Variants in FAM200B observed in about 807,000 individuals in gnomAD.
FAM200B encodes protein FAM200B.
Under a neutral mutation model 33.1 loss-of-function variants are expected in FAM200B, and 32 were observed. The ratio of observed to expected loss-of-function variants is 0.97; its 90% CI spans 0.73 to 1.30. The LOEUF (loss-of-function observed/expected upper bound fraction) is 1.30, where lower values mean the gene tolerates loss of function less well. Ranked by LOEUF, FAM200B falls within the 50% of genes most tolerant of loss-of-function variation. The pLI, the probability that FAM200B is intolerant of heterozygous loss-of-function variation, is 0.00. For missense variants in FAM200B, 741 were observed against 754.0 expected (o/e 0.98, Z 0.20); for synonymous variants, 240 against 264.8 (o/e 0.91, Z 0.91).
At chr4:15,674,550 AATT>A in the FAM200B span, among the ~76,000 whole-genome samples, 7 of 152,094 alleles carry the variant, frequency 4.6e-5, no homozygotes, top group Admixed American at 1.3e-4. Context: ...TTCCTTACAA[AATT>A]ATTACTCATG....
At position 15,687,108 on chromosome 4, in the gene FAM200B, AAACTTC is replaced by A; in HGVS notation, c.139_144del (p.Thr47_Ser48del). 1.9e-6 allele frequency: 3 copies of A among 1,549,226 alleles called. No homozygotes were observed. Among genetic ancestry groups the A allele is most frequent in the Non-Finnish European group, 2.6e-6 (3 of 1,146,052 alleles). On this transcript the variant is annotated inframe_deletion, in exon 2 of 2. Transcript: ENST00000422728. ...GAGAAAAATACTGACTCCAATCTGC[AAACTTC>A]AACTTCATTTGAGCCACATTTCAAA...
the FAM200B span, among the ~76,000 whole-genome samples, chr4:15,656,652 T>A: frequency 6.6e-6 from 1 of 152,244 alleles, no homozygotes; most frequent in Admixed American, 6.5e-5. Flanking sequence ...GAAGTTAAGA[T>A]TCCTGGTTTT....
the FAM200B span, among the ~76,000 whole-genome samples, chr4:15,655,835 T>C: frequency 1.3e-5 from 2 of 152,156 alleles, no homozygotes; most frequent in Non-Finnish European, 2.9e-5. Context: ...GTGCCAGATT[T>C]TTCCTGGGGC....
rs904217909 is a variant in FAM200B at position 15,686,428 on chromosome 4, C to T, written c.-550C>T. On this transcript the variant is annotated 5_prime_UTR_variant, in exon 2 of 2. Transcript: ENST00000422728. ...ACAAGTCAACAGTCTAGCAGATCAG[C>T]CAGTCTCTTTCATCATCAAGCAGAC... 6.6e-6 allele frequency: 1 copy of T among 152,138 alleles called. No individual in the cohort carries two copies. Among genetic ancestry groups the T allele is most frequent in the Admixed American group, 6.5e-5 (1 of 15,272 alleles). 9.4% of individuals were successfully genotyped at this position (152,138 alleles called of 1,614,324 possible). A position where few individuals can be genotyped will look rare whatever the true frequency, so the allele number is the denominator to read the frequency against.
At chr4:15,664,389 A>G in the FAM200B span, among the ~76,000 whole-genome samples, 4 of 152,066 alleles carry the variant, frequency 2.6e-5, no homozygotes, top group Non-Finnish European at 5.9e-5. Context: ...TCCCTCAGTT[A>G]AATCATATTG....
chr4:15,655,884 C>A, the FAM200B span, among the ~76,000 whole-genome samples: 1 of 152,238 alleles, frequency 6.6e-6, no homozygotes, highest in African/African-American at 2.4e-5. Flanking sequence ...AAAGGCCGGG[C>A]CTGGCTCCCA....
the FAM200B span, among the ~76,000 whole-genome samples, chr4:15,669,532 C>CA: frequency 4.5e-4 from 67 of 149,060 alleles, no homozygotes; most frequent in Admixed American, 9.3e-4. Context: ...GACCTTGTCT[C>CA]AAAAAAAAAT....
chr4:15,672,708 T>C, the FAM200B span, among the ~76,000 whole-genome samples: 1 of 152,178 alleles, frequency 6.6e-6, no homozygotes, highest in Non-Finnish European at 1.5e-5. Flanking sequence ...ACTGTAGACT[T>C]TATAAACACT....
the FAM200B span, among the ~76,000 whole-genome samples, chr4:15,650,412 C>T: frequency 0.28 from 42,831 of 151,826 alleles, 6,265 homozygotes; most frequent in East Asian, 0.47. Context: ...ATTTACTTTT[C>T]GGTTTAAATT....
At chr4:15,667,986 A>G in the FAM200B span, among the ~76,000 whole-genome samples, 2 of 151,598 alleles carry the variant, frequency 1.3e-5, no homozygotes, top group Non-Finnish European at 2.9e-5. Context: ...GGTTGCGGTG[A>G]GCCAAGATTG....
chr4:15,688,122 A>G lies in FAM200B; in HGVS notation c.1145A>G (p.Tyr382Cys). 3.2e-6 allele frequency: 5 copies of G among 1,551,312 alleles called. No homozygotes were observed. Among genetic ancestry groups the G allele is most frequent in the Non-Finnish European group, 4.4e-6 (5 of 1,146,748 alleles). ...GGAACTAATCATACCCACTTACTAT[A>G]TCATACCAAAATTCGTTGGTTGTCT... Reference protein sequence around the residue: ...EIGTNHTHLLYHTKIRWLSQG... With the variant: ...EIGTNHTHLLCHTKIRWLSQG... The change falls in exon 2 of 2, where the codon TAT (tyrosine) becomes TGT (cysteine). Residue 382 changes from tyrosine (Y) to cysteine (C), a missense_variant. Coordinates refer to ENST00000422728, the MANE Select transcript of FAM200B (RefSeq NM_001145191.2).
the FAM200B span, among the ~76,000 whole-genome samples, chr4:15,650,446 A>G: frequency 6.6e-6 from 1 of 152,096 alleles, no homozygotes; most frequent in Non-Finnish European, 1.5e-5. Context: ...CGGACCCACA[A>G]AAGAGATTTA....
the FAM200B span, among the ~76,000 whole-genome samples, chr4:15,669,204 G>C: frequency 1.3e-5 from 2 of 152,110 alleles, no homozygotes; most frequent in African/African-American, 4.8e-5. Flanking sequence ...CACAAACCCA[G>C]ATACAAACTA....
the FAM200B span, chr4:15,656,349 A>G: frequency 8.2e-5 from 37 of 450,550 alleles, no homozygotes; most frequent in East Asian, 1.3e-3. Context: ...ACTGCTGGAC[A>G]GATAGAGAAA....
chr4:15,639,705 C>G, the FAM200B span, among the ~76,000 whole-genome samples: 3 of 152,276 alleles, frequency 2.0e-5, no homozygotes, highest in Non-Finnish European at 1.5e-5. Flanking sequence ...CTGTATATTA[C>G]AATGAGTTGG....
the FAM200B span, among the ~76,000 whole-genome samples, chr4:15,669,936 G>A: frequency 2.0e-5 from 3 of 152,072 alleles, no homozygotes; most frequent in Non-Finnish European, 4.4e-5. Context: ...ATCACCCTAG[G>A]TACTATATGC....
At chr4:15,659,123 T>A in the FAM200B span, among the ~76,000 whole-genome samples, 1 of 152,192 alleles carries the variant, frequency 6.6e-6, no homozygotes, top group South Asian at 2.1e-4. Context: ...AAGAATGTCA[T>A]AAATGGAAGG....
the FAM200B span, among the ~76,000 whole-genome samples, chr4:15,666,401 A>G: frequency 6.6e-6 from 1 of 152,170 alleles, no homozygotes; most frequent in Non-Finnish European, 1.5e-5. Context: ...CCCTGCCTAA[A>G]AAAATAAAAT....
chr4:15,644,075 G>A, the FAM200B span, among the ~76,000 whole-genome samples: 3 of 152,190 alleles, frequency 2.0e-5, no homozygotes, highest in African/African-American at 7.2e-5. Flanking sequence ...TTGGTTTAGT[G>A]AAAAATCTCT....
Sources: allele counts gnomAD v4.1 joint callset (sites outside exome capture counted in the v4.1 genomes callset), GRCh38; gene constraint gnomAD v4.1.1; transcripts MANE v1.5; gene names NCBI Gene and HGNC (gene_info 2026-07-23, HGNC 2026-07-21).